The following ARHGEF18 variants were observed in gnomAD, a reference collection of about 807,000 sequenced individuals.
ARHGEF18 encodes rho guanine nucleotide exchange factor 18.
A neutral mutation model predicts 155.7 loss-of-function variants in ARHGEF18; 93 were observed. That is an observed-to-expected ratio of 0.60 (90% CI 0.50 to 0.71). The LOEUF (loss-of-function observed/expected upper bound fraction) is 0.71. Among genes scored for constraint, ARHGEF18 ranks in the 30% least tolerant of loss-of-function variants. The pLI is 0.00. For synonymous variants in ARHGEF18, 742 were observed against 753.1 expected (o/e 0.99, Z 0.24); for missense variants, 1,593 against 1,816.1 (o/e 0.88, Z 2.23).
chr19:7,439,285 C>CA (rs1974475386), intron 10 of ARHGEF18, among the ~76,000 whole-genome samples: 2 of 150,194 alleles, frequency 1.3e-5, no homozygotes, highest in African/African-American at 4.9e-5. Flanking sequence ...GTGAGACCCC[C>CA]CCCCAACCTC....
chr19:7,410,136 C>T (rs1438348383), intron 10 of ARHGEF18, among the ~76,000 whole-genome samples: 3 of 152,006 alleles, frequency 2.0e-5, no homozygotes, highest in African/African-American at 4.8e-5. Flanking sequence ...ATTGCAGTTC[C>T]CTTTTTCCAG....
At position 7,387,600 on chromosome 19, in the gene ARHGEF18, A is replaced by C. The variant is rs182443950; in HGVS notation, c.967+4397A>C. On this transcript the variant is annotated intron_variant, in intron 10 of 28. Coordinates refer to ENST00000668164, the MANE Select transcript of ARHGEF18 (RefSeq NM_001367823.1). Reference sequence around the variant, plus strand: ...AATTTGCATTTTACAGTCTGCAAATAAGGTTTTGTGGCAGGACAGCTCGCC... The same window carrying C: ...AATTTGCATTTTACAGTCTGCAAATCAGGTTTTGTGGCAGGACAGCTCGCC... Among the ~76,000 whole-genome samples the C allele has an allele frequency of 3.5e-4, 53 of 152,266 alleles. 1 individual carries two copies. Among genetic ancestry groups the C allele is most frequent in the Admixed American group, 2.6e-4 (4 of 15,298 alleles).
At chr19:7,371,251 AG>A (rs1970193413) in intron 2 of ARHGEF18, among the ~76,000 whole-genome samples, 1 of 152,040 alleles carries the variant, frequency 6.6e-6, no homozygotes, top group Non-Finnish European at 1.5e-5. Flanking sequence ...AGGGGCTGGG[AG>A]GGGAATGAGG....
At chr19:7,438,292 G>A (rs2023976920) in intron 10 of ARHGEF18, among the ~76,000 whole-genome samples, 2 of 151,546 alleles carry the variant, frequency 1.3e-5, no homozygotes, top group Non-Finnish European at 2.9e-5. Flanking sequence ...GTAGAGACGG[G>A]GTCTTGCTAT....
chr19:7,385,443 CATT>C (rs142755963), intron 10 of ARHGEF18, among the ~76,000 whole-genome samples: 21,905 of 136,452 alleles, frequency 0.16, 1,965 homozygotes, highest in South Asian at 0.24. Flanking sequence ...CTGGGAACTT[CATT>C]ATTATTATTA....
At chr19:7,430,309 C>T (rs1022870933) in intron 10 of ARHGEF18, among the ~76,000 whole-genome samples, 3 of 152,128 alleles carry the variant, frequency 2.0e-5, no homozygotes, top group African/African-American at 7.2e-5. Flanking sequence ...TCAAGCGATC[C>T]TTCTGCCTCA....
intron 10 of ARHGEF18, among the ~76,000 whole-genome samples, chr19:7,412,741 C>CAAA (rs35736055): frequency 2.3e-5 from 3 of 128,402 alleles, no homozygotes; most frequent in Non-Finnish European, 3.3e-5. Flanking sequence ...GACTCTGTCT[C>CAAA]AAAAAAAAAA....
intron 2 of ARHGEF18, among the ~76,000 whole-genome samples, chr19:7,371,818 C>T (rs569103532): frequency 9.7e-4 from 133 of 137,070 alleles, no homozygotes; most frequent in Middle Eastern, 3.5e-3. Flanking sequence ...AAGACTCCAT[C>T]TCAAAAAAAA....
intron 10 of ARHGEF18, among the ~76,000 whole-genome samples, chr19:7,393,030 A>G (rs916566452): frequency 7.0e-6 from 1 of 142,154 alleles, no homozygotes; most frequent in Non-Finnish European, 1.5e-5. Context: ...CCTAAGTGAC[A>G]GAGTGAGATC....
intron 10 of ARHGEF18, among the ~76,000 whole-genome samples, chr19:7,399,042 C>G (rs909483696): frequency 6.6e-6 from 1 of 152,208 alleles, no homozygotes; most frequent in Non-Finnish European, 1.5e-5. Flanking sequence ...AACATTTTTG[C>G]TGCCACCTCT....
chr19:7,441,635 T>G lies in ARHGEF18; in HGVS notation c.1107-18T>G. On this transcript the variant is annotated intron_variant, in intron 11 of 28. Transcript: ENST00000668164. ...AATTCACTTTTCTAAAACAATTGTT[T>G]TTATTGTTTGCACTCAGACCAATCA... 6.2e-7 allele frequency: 1 copy of G among 1,601,384 alleles called. No homozygotes were observed. The highest frequency in any genetic ancestry group is 8.6e-7 in the Non-Finnish European group (1 of 1,168,688).
At chr19:7,424,987 C>CG (rs1453628122) in intron 10 of ARHGEF18, among the ~76,000 whole-genome samples, 1 of 147,350 alleles carries the variant, frequency 6.8e-6, no homozygotes, top group South Asian at 2.2e-4. Context: ...AGTGAGACTA[C>CG]GTCTCGGGGA....
At chr19:7,387,911 C>T (rs1196658522) in intron 10 of ARHGEF18, among the ~76,000 whole-genome samples, 5 of 151,854 alleles carry the variant, frequency 3.3e-5, no homozygotes, top group African/African-American at 9.6e-5. Flanking sequence ...GTGATACACC[C>T]ACCTCAGCCT....
intron 17 of ARHGEF18, among the ~76,000 whole-genome samples, chr19:7,454,759 A>G (rs891203202): frequency 9.2e-5 from 14 of 152,198 alleles, no homozygotes; most frequent in East Asian, 3.9e-4. Context: ...TGACTTCCCA[A>G]TGGAAACCCA....
At position 7,371,781 on chromosome 19, in the gene ARHGEF18, A is replaced by G. The variant is rs569364423; in HGVS notation, c.16-1031A>G. Reference sequence around the variant, plus strand: ...GGTTGCAGTGAGCTGAGATTGTACCACTGCACTCCAGCCTGGGCGACAGAG... The same window carrying G: ...GGTTGCAGTGAGCTGAGATTGTACCGCTGCACTCCAGCCTGGGCGACAGAG... On this transcript the variant is annotated intron_variant, in intron 2 of 28. Coordinates refer to ENST00000668164, the MANE Select transcript of ARHGEF18 (RefSeq NM_001367823.1). Among the ~76,000 whole-genome samples the G allele has an allele frequency of 2.6e-5, 4 of 151,856 alleles. No individual in the cohort carries two copies. The South Asian group carries it at 8.3e-4, about 32-fold the overall frequency.
At chr19:7,457,690 T>G (rs1409790501) in intron 18 of ARHGEF18, among the ~76,000 whole-genome samples, 1 of 151,984 alleles carries the variant, frequency 6.6e-6, no homozygotes, top group Non-Finnish European at 1.5e-5. Context: ...AGGCCCCATC[T>G]CCAAAGACAG....
chr19:7,376,329 C>T (rs1970461016), intron 4 of ARHGEF18, among the ~76,000 whole-genome samples: 1 of 152,150 alleles, frequency 6.6e-6, no homozygotes, highest in Non-Finnish European at 1.5e-5. Flanking sequence ...GTGGCTGAGA[C>T]ATCTTTGGCT....
At chr19:7,372,258 G>A (rs1970238663) in intron 2 of ARHGEF18, among the ~76,000 whole-genome samples, 1 of 152,168 alleles carries the variant, frequency 6.6e-6, no homozygotes, top group Admixed American at 6.5e-5. Flanking sequence ...AAGGCAACCT[G>A]GAGGGCATGC....
intron 8 of ARHGEF18, among the ~76,000 whole-genome samples, chr19:7,381,308 G>A (rs1970723349): frequency 6.6e-6 from 1 of 152,138 alleles, no homozygotes; most frequent in Admixed American, 6.6e-5. Context: ...GAGTGGGGCT[G>A]GGAGGAGGGA....
Sources: gnomAD v4.1 joint callset for allele counts (sites outside exome capture counted in the v4.1 genomes callset) on GRCh38, gnomAD v4.1.1 for gene constraint, MANE v1.5 for transcripts, NCBI Gene and HGNC (gene_info 2026-07-23, HGNC 2026-07-21) for gene names.